Variants in MTERF4 observed in about 807,000 individuals in gnomAD.
MTERF4 encodes transcription termination factor 4, mitochondrial.
MTERF4 carries 17 observed loss-of-function variants against 22.5 expected under a neutral mutation model. The ratio of observed to expected loss-of-function variants is 0.75; its 90% CI spans 0.52 to 1.13. The LOEUF is 1.13. MTERF4 is among the 50% of genes most tolerant of loss of function. MTERF4 has a pLI of 0.00. For synonymous variants in MTERF4, 165 were observed against 175.3 expected (o/e 0.94, Z 0.47); for missense variants, 420 against 466.8 (o/e 0.90, Z 0.92).
In MTERF4 at chr2:241,096,015, C is replaced by T. The variant is rs748776321; in HGVS notation, c.1129G>A (p.Asp377Asn). ...EAEDNDEDED[D>N]DEEE is the part of the protein sequence containing the mutation. ...CATCACAGCTATTCCTCCTCGTCGTCGTCCTCATCCTCATCATTGTCCTCC... is the reference window on the plus strand; with the variant it reads ...CATCACAGCTATTCCTCCTCGTCGTTGTCCTCATCCTCATCATTGTCCTCC... The change falls in exon 4 of 4, where the codon GAC becomes AAC. Residue 377 changes from aspartate to asparagine, a missense_variant. Asp to Asn is a conservative substitution (Grantham distance 23). Transcript: ENST00000391980. The surrounding 1 kb of genome is among the most constrained non-coding windows in gnomAD (Gnocchi z 5.1). 4.3e-6 allele frequency: 7 copies of T among 1,613,868 alleles called. 1 individual carries two copies. In the South Asian group the frequency reaches 5.5e-5, roughly 13 times the overall value.
At chr2:241,092,068 G>A (rs2064052630), downstream of MTERF4, 1 of 152,306 alleles carries the variant, frequency 6.6e-6, no homozygotes, top group South Asian at 2.1e-4. The surrounding 1 kb of genome is among the most constrained non-coding windows in gnomAD (Gnocchi z 4.6). Flanking sequence ...AACAAATTGA[G>A]AAGGAACTGT....
the MTERF4 span, chr2:241,065,042 G>A: frequency 3.0e-4 from 325 of 1,087,770 alleles, 2 homozygotes; most frequent in African/African-American, 4.2e-3. Flanking sequence ...AGGGCAGAGC[G>A]TCTGGCCGCT....
At chr2:241,070,041 C>G, downstream of MTERF4, 2 of 1,613,048 alleles carry the variant, frequency 1.2e-6, no homozygotes, top group Non-Finnish European at 1.7e-6. Context: ...TGACCACCAG[C>G]CAGAGCACCA....
In MTERF4 at chr2:241,097,366, A is replaced by G. The variant is rs377091448; in HGVS notation, c.582T>C (p.Ile194=). The G allele has an allele frequency of 3.2e-5, 52 of 1,614,124 alleles. No individual in the cohort carries two copies. Among genetic ancestry groups the G allele is most frequent in the Non-Finnish European group, 4.1e-5 (48 of 1,180,054 alleles). The change falls in exon 3 of 4, where the codon ATT becomes ATC. Residue 194 remains isoleucine, a synonymous_variant. Transcript: ENST00000391980. ...PEIFTMRQQD[I]NDTVRLLKEK... The stretch of plus-strand genomic sequence containing the variant: ...CCTTGAGAAGCCTGACAGTGTCGTT[A>G]ATGTCCTGCTGGCGCATGGTGAAAA...
At chr2:241,088,287 A>G, downstream of MTERF4, 4 of 1,001,914 alleles carry the variant, frequency 4.0e-6, no homozygotes, top group Non-Finnish European at 6.4e-6. Flanking sequence ...CTCAGCAGGC[A>G]GCCTGGACTG....
In MTERF4 at chr2:241,095,986, C is replaced by T. The variant is rs371427435; in HGVS notation, c.*12G>A. 1 of 1,612,282 alleles carries T rather than the reference C, an allele frequency of 6.2e-7. No individual in the cohort carries two copies. Among genetic ancestry groups the T allele is most frequent in the Non-Finnish European group, 8.5e-7 (1 of 1,178,774 alleles). On this transcript the variant is annotated 3_prime_UTR_variant, in exon 4 of 4. Transcript: ENST00000391980. Reference sequence around the variant, plus strand: ...ATCTCTGGGCCCTTTCGCTCTAGTCCTTCCATCACAGCTATTCCTCCTCGT... The same window carrying T: ...ATCTCTGGGCCCTTTCGCTCTAGTCTTTCCATCACAGCTATTCCTCCTCGT...
the MTERF4 span, chr2:241,053,439 T>C: frequency 1.8e-5 from 20 of 1,089,316 alleles, no homozygotes; most frequent in South Asian, 2.0e-4. Context: ...AGCTCTGACC[T>C]GGTCCTGCCC....
downstream of MTERF4, among the ~76,000 whole-genome samples, chr2:241,067,589 G>A (rs1162661853): frequency 1.3e-5 from 2 of 152,118 alleles, no homozygotes; most frequent in African/African-American, 4.8e-5. Context: ...AGCCCTGGAG[G>A]CCAGAGCCTG....
downstream of MTERF4, chr2:241,088,458 G>A (rs1349401094): frequency 9.9e-6 from 14 of 1,419,920 alleles, no homozygotes; most frequent in Admixed American, 1.2e-4. Context: ...AGTGGGGGGC[G>A]ACTGCCCAGC....
At chr2:241,089,301 G>C, downstream of MTERF4, 4 of 1,549,720 alleles carry the variant, frequency 2.6e-6, no homozygotes, top group Non-Finnish European at 3.5e-6. Context: ...TCCTGGTGGC[G>C]CAGATGAGTG....
At chr2:241,065,033 G>C in the MTERF4 span, 1 of 1,167,828 alleles carries the variant, frequency 8.6e-7, no homozygotes, top group Non-Finnish European at 1.2e-6. Flanking sequence ...CGGTCTCCAA[G>C]GGCAGAGCGT....
rs756990822 is a variant in MTERF4, at chr2:241,096,009, C to T, written c.1135G>A (p.Glu379Lys). 8.7e-6 allele frequency: 14 copies of T among 1,613,750 alleles called. No homozygotes were observed. The highest frequency in any genetic ancestry group is 3.3e-5 in the South Asian group (3 of 91,056). The change falls in exon 4 of 4, where the codon GAG (glutamate) becomes AAG (lysine). Residue 379 changes from glutamate to lysine, a missense_variant. Physicochemically the swap from Glu to Lys is moderately conservative, Grantham distance 56 (BLOSUM62 1). Transcript: ENST00000391980. The surrounding 1 kb of genome is among the most constrained non-coding windows in gnomAD (Gnocchi z 5.1). ...TCCTTCCATCACAGCTATTCCTCCT[C>T]GTCGTCGTCCTCATCCTCATCATTG... ...EDNDEDEDDD[E>K]EE
At chr2:241,052,809 C>G in the MTERF4 span, among the ~76,000 whole-genome samples, 48 of 136,664 alleles carry the variant, frequency 3.5e-4, no homozygotes, top group Non-Finnish European at 6.4e-4. Context: ...CTGGGGGGCC[C>G]AAGCAGGGTA....
chr2:241,089,637 C>A (rs1194269354), downstream of MTERF4, among the ~76,000 whole-genome samples: 1 of 152,224 alleles, frequency 6.6e-6, no homozygotes, highest in African/African-American at 2.4e-5. Flanking sequence ...GGAATCACTT[C>A]CCGCTCCCAC....
intron 1 of MTERF4, chr2:241,101,163 C>T (rs756500382): frequency 3.2e-5 from 15 of 466,080 alleles, no homozygotes; most frequent in South Asian, 2.0e-4. Flanking sequence ...ATACAACTCA[C>T]CATAATGTAG....
At chr2:241,080,169 A>C (rs1037045377) in intron 4 of MTERF4, among the ~76,000 whole-genome samples, 2 of 152,104 alleles carry the variant, frequency 1.3e-5, no homozygotes, top group Non-Finnish European at 2.9e-5. Context: ...CTGTAGTACC[A>C]GCTACTCGGG....
Position 241,096,326 on chromosome 2 carries a change from C to T in MTERF4, c.818G>A (p.Arg273Gln), listed in dbSNP as rs752342229. 5.0e-6 allele frequency: 8 copies of T among 1,614,004 alleles called. No homozygotes were observed. The highest frequency in any genetic ancestry group is 4.0e-5 in the African/African-American group (3 of 74,888). The change falls in exon 4 of 4, where the codon CGG becomes CAG. Residue 273 changes from arginine to glutamine, a missense_variant. Transcript: ENST00000391980. This position sits in a 1 kb window ranked among gnomAD's most constrained non-coding sequence, Gnocchi z 5.1. ...CCCCTTCTTATCAGGGGTTTGGTACCGTCCCAGGCGCTCCAGGTAAATGTG... is the reference window on the plus strand; with the variant it reads ...CCCCTTCTTATCAGGGGTTTGGTACTGTCCCAGGCGCTCCAGGTAAATGTG... Reference protein sequence around the residue: ...QRHIYLERLGRYQTPDKKGQT... With the variant: ...QRHIYLERLGQYQTPDKKGQT...
chr2:241,071,711 AG>A, downstream of MTERF4: 1 of 793,420 alleles, frequency 1.3e-6, no homozygotes, highest in Non-Finnish European at 1.8e-6. Context: ...ACCCCCACCC[AG>A]CCCCCCAGGT....
chr2:241,048,248 C>T, the MTERF4 span: 2 of 1,486,588 alleles, frequency 1.3e-6, no homozygotes, highest in Admixed American at 2.5e-5. Context: ...GCCATTGGAG[C>T]TGGGCGGGGA....
Sources: allele counts gnomAD v4.1 joint callset (sites outside exome capture counted in the v4.1 genomes callset), GRCh38; gene constraint gnomAD v4.1.1; non-coding constraint Gnocchi (gnomAD v3.1); transcripts MANE v1.5; gene names NCBI Gene and HGNC (gene_info 2026-07-23, HGNC 2026-07-21).